MTHFD1L: variants seen among roughly 807,000 people sequenced by gnomAD.
MTHFD1L encodes methylenetetrahydrofolate dehydrogenase (NADP+ dependent) 1 like.
In MTHFD1L, 81 loss-of-function variants were observed where a neutral mutation model predicts 119.5. That is an observed-to-expected ratio of 0.68 (90% CI 0.57 to 0.82). The LOEUF (loss-of-function observed/expected upper bound fraction) is 0.82. MTHFD1L is among the 40% of genes least tolerant of loss of function. MTHFD1L has a pLI of 0.00. For missense variants in MTHFD1L, 1,125 were observed against 1,253.4 expected, an observed-to-expected ratio of 0.90 and a Z score of 1.55; for synonymous variants, 430 against 475.2, an observed-to-expected ratio of 0.90 and a Z score of 1.24.
chr6:151,081,464 C>G (rs12526622), intron 26 of MTHFD1L, among the ~76,000 whole-genome samples: 35,945 of 147,918 alleles, frequency 0.24, 4,453 homozygotes, highest in South Asian at 0.33. Flanking sequence ...ACCAGGCTGG[C>G]CAACATGGTG....
chr6:150,978,621 G>A lies in MTHFD1L; in HGVS notation c.2125+6563G>A, dbSNP rs116107853. Reference sequence around the variant, plus strand: ...TCCAAGACAAATTGAATGGGATTGGGAAACAAAGCCTTGTTAATATTTTCA... The same window carrying A: ...TCCAAGACAAATTGAATGGGATTGGAAAACAAAGCCTTGTTAATATTTTCA... On this transcript the variant is annotated intron_variant, in intron 20 of 27. Transcript: ENST00000367321. Among the ~76,000 whole-genome samples the A allele has an allele frequency of 8.9e-3, 1,348 of 152,266 alleles. 21 individuals are homozygous for A. The highest frequency in any genetic ancestry group is 0.031 in the African/African-American group (1,297 of 41,530).
chr6:151,101,258 A>G (rs1795346548), intron 27 of MTHFD1L, among the ~76,000 whole-genome samples: 1 of 152,226 alleles, frequency 6.6e-6, no homozygotes, highest in South Asian at 2.1e-4. Context: ...GAATTCTGCC[A>G]GTATCCCCAA....
intron 2 of MTHFD1L, among the ~76,000 whole-genome samples, chr6:150,877,221 G>T (rs9478845): frequency 0.49 from 74,877 of 151,754 alleles, 18,892 homozygotes; most frequent in African/African-American, 0.58. Flanking sequence ...CCGGGCTAAT[G>T]TTTGTATTTT....
chr6:150,949,414 CCTT>C (rs1794531690), intron 16 of MTHFD1L, among the ~76,000 whole-genome samples: 1 of 152,008 alleles, frequency 6.6e-6, no homozygotes, highest in South Asian at 2.1e-4. Context: ...GTTTCTCTCT[CCTT>C]TGGCCTCTTG....
chr6:150,866,161 G>T, intron 1 of MTHFD1L, 112 bp downstream of exon 1: 1 of 1,390,092 alleles, frequency 7.2e-7, no homozygotes, highest in African/African-American at 1.5e-5. Context: ...CGAGTGTTTG[G>T]TGCCAACTCA....
intron 1 of MTHFD1L, among the ~76,000 whole-genome samples, chr6:150,873,646 G>C (rs1002320261): frequency 2.6e-5 from 4 of 151,990 alleles, no homozygotes; most frequent in Non-Finnish European, 5.9e-5. Context: ...ACTGAGACAC[G>C]TTGAATCAGA....
At chr6:150,963,894 A>G (rs1299422410) in intron 18 of MTHFD1L, among the ~76,000 whole-genome samples, 1 of 152,238 alleles carries the variant, frequency 6.6e-6, no homozygotes, top group African/African-American at 2.4e-5. Context: ...AAGGCCGGGC[A>G]CGGTGGCTCA....
At chr6:151,072,753 G>A (rs775542620) in intron 26 of MTHFD1L, among the ~76,000 whole-genome samples, 6 of 151,882 alleles carry the variant, frequency 4.0e-5, no homozygotes, top group Non-Finnish European at 8.8e-5. Context: ...TGCAGTGAGC[G>A]GAGATTGTGC....
intron 21 of MTHFD1L, among the ~76,000 whole-genome samples, chr6:151,011,183 A>C (rs1273663186): frequency 6.6e-6 from 1 of 152,260 alleles, no homozygotes; most frequent in Non-Finnish European, 1.5e-5. Flanking sequence ...AAGCTTCATC[A>C]TCATTTCAAA....
rs762778733 is a variant in MTHFD1L at position 150,956,032 on chromosome 6, C to T, written c.1764C>T (p.Thr588=). Residue 588 remains threonine, a synonymous_variant, in exon 17 of 28, where the codon ACC becomes ACT. Coordinates refer to ENST00000367321, the MANE Select transcript of MTHFD1L (RefSeq NM_015440.5). ...ATGACCGATTTCTACGAAAAATAAC[C>T]ATCGGGCAGGGAAACACAGAGAAGG... The part of the protein sequence containing the change: ...DTNDRFLRKI[T]IGQGNTEKGH... 1.2e-6 allele frequency: 2 copies of T among 1,614,108 alleles called. No homozygotes were observed.
chr6:150,911,877 T>A (rs1255984086), intron 8 of MTHFD1L, among the ~76,000 whole-genome samples: 1 of 152,032 alleles, frequency 6.6e-6, no homozygotes, highest in African/African-American at 2.4e-5. Flanking sequence ...TTTACTACCA[T>A]GAGAAGAGTA....
intron 22 of MTHFD1L, among the ~76,000 whole-genome samples, chr6:151,014,192 G>A (rs1234264284): frequency 6.6e-6 from 1 of 152,176 alleles, no homozygotes; most frequent in Non-Finnish European, 1.5e-5. Context: ...GGACGACAGA[G>A]TGAGACTCTG....
At position 150,887,885 on chromosome 6, in the gene MTHFD1L, C is replaced by G; in HGVS notation, c.684C>G (p.Ala228=). 4 of 1,607,934 alleles carry G rather than the reference C, an allele frequency of 2.5e-6. No homozygotes were observed. Among genetic ancestry groups the G allele is most frequent in the Non-Finnish European group, 3.4e-6 (4 of 1,177,492 alleles). Residue 228 remains alanine (A), a synonymous_variant, in exon 7 of 28, where the codon GCC becomes GCG. Coordinates refer to ENST00000367321, the MANE Select transcript of MTHFD1L (RefSeq NM_015440.5). ...GAAAGAAGATTTTGGTAGTGGGGGC[C>G]CATGGGTCTTTGGAAGCTGCTCTAC... ...LDGKKILVVG[A]HGSLEAALQC...
chr6:151,055,413 G>C (rs1360780824), intron 26 of MTHFD1L, among the ~76,000 whole-genome samples: 2 of 152,108 alleles, frequency 1.3e-5, no homozygotes, highest in African/African-American at 4.8e-5. Flanking sequence ...TACATGCAAG[G>C]AAACCAGAGC....
intron 25 of MTHFD1L, 90 bp downstream of exon 25, chr6:151,034,690 C>T (rs1785880922): frequency 2.5e-6 from 2 of 810,216 alleles, no homozygotes; most frequent in African/African-American, 1.7e-5. Flanking sequence ...CATATCGCAC[C>T]AGCTAACCTT....
rs185214169 is a variant in MTHFD1L at position 150,873,039 on chromosome 6, C to T, written c.228-3051C>T. ...ACCTATAGAAGTGTTCCTTTCAGCC[C>T]GGCGAGGTGGCTCACCCCTGTAATT... On this transcript the variant is annotated intron_variant, in intron 1 of 27. Transcript: ENST00000367321. Among the ~76,000 whole-genome samples, 57 of 151,828 alleles carry T rather than the reference C, an allele frequency of 3.8e-4. No individual in the cohort carries two copies. The East Asian group carries it at 1.0e-2, about 27-fold the overall frequency.
chr6:151,025,412 TG>T (rs1784493777), intron 24 of MTHFD1L, among the ~76,000 whole-genome samples: 1 of 152,246 alleles, frequency 6.6e-6, no homozygotes, highest in Non-Finnish European at 1.5e-5. Context: ...GCACCTAGTG[TG>T]GTGTGGTCAG....
intron 9 of MTHFD1L, among the ~76,000 whole-genome samples, chr6:150,920,469 G>A (rs80260015): frequency 1.3e-5 from 2 of 152,078 alleles, no homozygotes; most frequent in East Asian, 3.9e-4. Context: ...CCTCAAAATG[G>A]GTCATTAGAC....
intron 1 of MTHFD1L, among the ~76,000 whole-genome samples, chr6:150,871,268 A>G (rs1779440815): frequency 6.7e-6 from 1 of 149,250 alleles, no homozygotes; most frequent in Non-Finnish European, 1.5e-5. Flanking sequence ...TTGACTGATC[A>G]GGGTGATTGC....
Sources: gnomAD v4.1 joint callset for allele counts (sites outside exome capture counted in the v4.1 genomes callset) on GRCh38, gnomAD v4.1.1 for gene constraint, MANE v1.5 for transcripts, NCBI Gene and HGNC (gene_info 2026-07-23, HGNC 2026-07-21) for gene names.